The following TENM2 variants were observed in gnomAD, a reference collection of about 807,000 sequenced individuals.
The protein encoded by TENM2 is teneurin transmembrane protein 2, also known as teneurin-2.
In TENM2, 52 loss-of-function variants were observed where a neutral mutation model predicts 245.2. That is an observed-to-expected ratio of 0.21 (90% confidence interval 0.17 to 0.27). The LOEUF (loss-of-function observed/expected upper bound fraction) is 0.27. Among genes scored for constraint, TENM2 ranks in the 10% least tolerant of loss-of-function variants. TENM2 has a pLI of 1.00. For synonymous variants in TENM2, 1,363 were observed against 1,438.9 expected, an observed-to-expected ratio of 0.95 and a Z score of 1.19; for missense variants, 3,046 against 3,666.8, an observed-to-expected ratio of 0.83 and a Z score of 4.37.
At chr5:168,226,116 G>T (rs369050319) in exon 24 of TENM2, 5 of 1,613,652 alleles carry the variant, frequency 3.1e-6, no homozygotes, top group Non-Finnish European at 4.2e-6. Context: ...CCTGACCAAC[G>T]TGACGCGCCC....
chr5:168,200,350 G>T (rs746584878), intron 17 of TENM2, among the ~76,000 whole-genome samples: 1 of 152,174 alleles, frequency 6.6e-6, no homozygotes, highest in Non-Finnish European at 1.5e-5. Context: ...AAGCAAGATA[G>T]GTGCTAATAA....
intron 2 of TENM2, among the ~76,000 whole-genome samples, chr5:167,834,637 TTTC>T (rs368920142): frequency 1.4e-5 from 2 of 143,262 alleles, no homozygotes; most frequent in Non-Finnish European, 3.0e-5. Flanking sequence ...GTCTGTACAA[TTTC>T]TTTTTTTTTT....
chr5:167,620,029 G>T (rs1778054189), intron 2 of TENM2, among the ~76,000 whole-genome samples: 1 of 152,116 alleles, frequency 6.6e-6, no homozygotes. Context: ...GATTAATAAT[G>T]AATATATGTA....
chr5:167,738,378 T>A (rs375302114), intron 2 of TENM2, among the ~76,000 whole-genome samples: 4 of 152,342 alleles, frequency 2.6e-5, no homozygotes, highest in African/African-American at 7.2e-5. Flanking sequence ...AGTGACTTCT[T>A]GAGCTAGGCA....
chr5:167,557,751 C>G (rs1773344373), intron 2 of TENM2, among the ~76,000 whole-genome samples: 1 of 152,148 alleles, frequency 6.6e-6, no homozygotes, highest in South Asian at 2.1e-4. Context: ...CAAGATGCTA[C>G]TGGCATCTCG....
intron 6 of TENM2, among the ~76,000 whole-genome samples, chr5:168,058,006 C>A (rs548518909): frequency 8.5e-5 from 13 of 152,228 alleles, no homozygotes; most frequent in African/African-American, 3.1e-4. Context: ...GGTAGTTATA[C>A]CTTTTACAGA....
At chr5:167,448,442 G>A (rs1430614123) in intron 2 of TENM2, among the ~76,000 whole-genome samples, 3 of 150,994 alleles carry the variant, frequency 2.0e-5, no homozygotes, top group Non-Finnish European at 2.9e-5. Flanking sequence ...GGAGAACATA[G>A]CTTTTATTTA....
intron 12 of TENM2, among the ~76,000 whole-genome samples, chr5:168,146,933 C>T (rs908369234): frequency 5.3e-5 from 8 of 152,212 alleles, no homozygotes; most frequent in African/African-American, 1.9e-4. Flanking sequence ...AGGGGACCCC[C>T]CCTTCACCTG....
At chr5:167,837,253 T>C (rs1412573522) in intron 2 of TENM2, among the ~76,000 whole-genome samples, 1 of 152,184 alleles carries the variant, frequency 6.6e-6, no homozygotes, top group Admixed American at 6.5e-5. Flanking sequence ...TTTCTTGGTT[T>C]CTACCATTAC....
At chr5:167,012,793 C>T in the TENM2 span, among the ~76,000 whole-genome samples, 45 of 152,204 alleles carry the variant, frequency 3.0e-4, no homozygotes, top group African/African-American at 1.1e-3. Context: ...AAGGCTGTCC[C>T]TTTTACCAAG....
chr5:167,632,146 C>G (rs183118352), intron 2 of TENM2, among the ~76,000 whole-genome samples: 2 of 152,168 alleles, frequency 1.3e-5, no homozygotes, highest in East Asian at 1.9e-4. Flanking sequence ...TGCTTTTTAC[C>G]CAGCCTCTCA....
chr5:167,900,617 C>T (rs142506427), intron 3 of TENM2, among the ~76,000 whole-genome samples: 2 of 152,276 alleles, frequency 1.3e-5, no homozygotes, highest in East Asian at 1.9e-4. Context: ...ATAGATGAGG[C>T]TGATGCAGAT....
At chr5:168,132,555 C>G (rs926153921) in intron 12 of TENM2, among the ~76,000 whole-genome samples, 1 of 152,206 alleles carries the variant, frequency 6.6e-6, no homozygotes, top group African/African-American at 2.4e-5. Flanking sequence ...GATGGACTAG[C>G]TTGTGGCTCA....
intron 2 of TENM2, among the ~76,000 whole-genome samples, chr5:167,679,317 C>A (rs1756543365): frequency 6.6e-6 from 1 of 152,044 alleles, no homozygotes; most frequent in Non-Finnish European, 1.5e-5. Flanking sequence ...TGGTAAAATT[C>A]AAATGATAAA....
At chr5:167,143,803 A>C in the TENM2 span, among the ~76,000 whole-genome samples, 2 of 152,308 alleles carry the variant, frequency 1.3e-5, no homozygotes, top group South Asian at 4.1e-4. Context: ...CTTTTAAAAG[A>C]ACTAATTATA....
chr5:167,235,315 G>A, the TENM2 span, among the ~76,000 whole-genome samples: 1 of 152,150 alleles, frequency 6.6e-6, no homozygotes, highest in Non-Finnish European at 1.5e-5. Context: ...TTCTTAGGGA[G>A]TAGGGGCTAG....
At chr5:167,750,145 A>G (rs1217356859) in intron 2 of TENM2, among the ~76,000 whole-genome samples, 1 of 152,146 alleles carries the variant, frequency 6.6e-6, no homozygotes, top group Non-Finnish European at 1.5e-5. Context: ...AATGAGCCAA[A>G]CGACGCTTTG....
intron 26 of TENM2, among the ~76,000 whole-genome samples, chr5:168,245,055 C>T (rs1023907602): frequency 4.6e-5 from 7 of 152,098 alleles, no homozygotes; most frequent in Admixed American, 6.5e-5. Flanking sequence ...GTATGAGTCA[C>T]CGCACCTGAC....
At position 167,326,700 on chromosome 5, in the gene TENM2, T is replaced by TG. The variant is rs1490051613; in HGVS notation, c.226+41637_226+41638insG. Among the ~76,000 whole-genome samples the TG allele has an allele frequency of 2.5e-4, 27 of 108,570 alleles. No individual in the cohort carries two copies. The East Asian group carries it at 5.5e-3, about 22-fold the overall frequency. The allele number at this position is 108,570 out of a possible 152,430, so 71.2% of individuals were successfully genotyped here. A position where few individuals can be genotyped will look rare whatever the true frequency, so the allele number is the denominator to read the frequency against. On this transcript the variant is annotated intron_variant, in intron 1 of 28. Transcript: ENST00000518659. ...TAATAATAATAATTATAATAATAAA[T>TG]AAATATATATATATATATATATAAA...
Sources: gnomAD v4.1 joint callset for allele counts (sites outside exome capture counted in the v4.1 genomes callset) on GRCh38, gnomAD v4.1.1 for gene constraint, MANE v1.5 for transcripts, NCBI Gene and HGNC (gene_info 2026-07-23, HGNC 2026-07-21) for gene names.